The following MAP1B variants were observed in gnomAD, a reference collection of about 807,000 sequenced individuals.
MAP1B encodes microtubule-associated protein 1B.
Under a neutral mutation model 176.1 loss-of-function variants are expected in MAP1B, and 12 were observed. The observed-to-expected ratio is 0.07, with a 90% CI of 0.04 to 0.11. The LOEUF (loss-of-function observed/expected upper bound fraction) is 0.11, where lower values mean the gene tolerates loss of function less well. MAP1B is among the 10% of genes least tolerant of loss of function. The pLI, the probability that MAP1B is intolerant of heterozygous loss-of-function variation, is 1.00. For synonymous variants in MAP1B, 1,044 were observed against 1,135.0 expected (o/e 0.92, Z 1.61); for missense variants, 2,523 against 2,990.5 (o/e 0.84, Z 3.65).
chr5:72,168,726 T>A (rs780932126), intron 2 of MAP1B, among the ~76,000 whole-genome samples: 1 of 152,232 alleles, frequency 6.6e-6, no homozygotes. Context: ...GGACAGAATT[T>A]ATTTGACTAC....
At chr5:72,120,573 C>T (rs984968058) in intron 2 of MAP1B, among the ~76,000 whole-genome samples, 5 of 151,848 alleles carry the variant, frequency 3.3e-5, no homozygotes, top group South Asian at 2.1e-4. Context: ...TACAGGCGCC[C>T]ACCACCATGC....
At chr5:72,142,222 A>T (rs11748990) in intron 2 of MAP1B, among the ~76,000 whole-genome samples, 48,817 of 152,008 alleles carry the variant, frequency 0.32, 8,138 homozygotes, top group African/African-American at 0.43. Flanking sequence ...GAATTGGAGC[A>T]CATTCAAAGC....
At chr5:72,179,643 C>T in intron 2 of MAP1B, 2 of 985,478 alleles carry the variant, frequency 2.0e-6, no homozygotes, top group Non-Finnish European at 2.4e-6. Context: ...CTGGGGCGGC[C>T]CAGCCCCAGG....
intron 2 of MAP1B, among the ~76,000 whole-genome samples, chr5:72,133,973 T>C (rs528637206): frequency 6.6e-6 from 1 of 152,336 alleles, no homozygotes; most frequent in Non-Finnish European, 1.5e-5. Flanking sequence ...CCTTTCTTCT[T>C]TATGGATATT....
intron 2 of MAP1B, among the ~76,000 whole-genome samples, chr5:72,160,513 T>G (rs1331860254): frequency 6.6e-6 from 1 of 152,186 alleles, no homozygotes; most frequent in Non-Finnish European, 1.5e-5. Flanking sequence ...GGAGGGTTCA[T>G]GAATGTTCCT....
intron 2 of MAP1B, among the ~76,000 whole-genome samples, chr5:72,165,032 A>T (rs548581524): frequency 6.6e-6 from 1 of 152,054 alleles, no homozygotes; most frequent in African/African-American, 2.4e-5. Context: ...TTGCTATTTT[A>T]ATACCATGAG....
In MAP1B at chr5:72,194,978, C is replaced by T. The variant is rs1052606915; in HGVS notation, c.1623C>T (p.Ser541=). ...KQTKLKQRAD[S]RESLKPAAKP... ...CAAAACTGAAACAGAGGGCTGATAG[C>T]CGAGAAAGTCTGAAGCCAGCCGCAA... The change falls in exon 5 of 7, where the codon AGC becomes AGT. Residue 541 remains serine, a synonymous_variant. Coordinates refer to ENST00000296755, the MANE Select transcript of MAP1B (RefSeq NM_005909.5). The surrounding 1 kb of genome is among the most constrained non-coding windows in gnomAD (Gnocchi z 7.2). 1.2e-5 allele frequency: 19 copies of T among 1,613,866 alleles called. No homozygotes were observed. In the African/African-American group the frequency reaches 2.5e-4, roughly 22 times the overall value.
At chr5:72,182,713 C>A (rs1440131659) in intron 2 of MAP1B, among the ~76,000 whole-genome samples, 2 of 152,202 alleles carry the variant, frequency 1.3e-5, no homozygotes, top group Non-Finnish European at 2.9e-5. Context: ...CTGCCTCTCT[C>A]AGATTCTTTT....
Position 72,199,539 on chromosome 5 carries a change from T to G in MAP1B, c.6184T>G (p.Ser2062Ala). ...PQASTYSYETSDLCYTAEKKS... is the reference protein window; with the variant it reads ...PQASTYSYETADLCYTAEKKS... ...GGCATCCACATATTCCTACGAGACT[T>G]CAGACCTATGCTACACTGCAGAAAA... Residue 2062 changes from serine to alanine, a missense_variant, in exon 5 of 7, where the codon TCA (serine) becomes GCA (alanine). Ser to Ala is a moderately conservative substitution (Grantham distance 99). Around this residue, in one of 4 missense-constraint regions of MAP1B, gnomAD observed 1,925 missense variants for 2,126.0 expected, o/e 0.91. Coordinates refer to ENST00000296755, the MANE Select transcript of MAP1B (RefSeq NM_005909.5). This position sits in a 1 kb window ranked among gnomAD's most constrained non-coding sequence, Gnocchi z 4.2. The G allele has an allele frequency of 6.2e-7, 1 of 1,614,130 alleles. No individual in the cohort carries two copies. The highest frequency in any genetic ancestry group is 8.5e-7 in the Non-Finnish European group (1 of 1,180,012).
chr5:72,193,459 A>G, intron 4 of MAP1B: 1 of 317,038 alleles, frequency 3.2e-6, no homozygotes, highest in South Asian at 2.9e-5. Flanking sequence ...TTTAAAGGGC[A>G]TCTTTGCCTT....
Position 72,195,779 on chromosome 5 carries a change from C to A in MAP1B, c.2424C>A (p.Val808=), listed in dbSNP as rs770515226. Residue 808 remains valine, a synonymous_variant, in exon 5 of 7, where the codon GTC becomes GTA. Transcript: ENST00000296755. ...AVGTGATTAA[V]MAAAGIAAIG... ...GCACTGGAGCCACCACAGCAGCTGT[C>A]ATGGCGGCAGCTGGAATAGCAGCCA... 1.4e-5 allele frequency: 22 copies of A among 1,614,048 alleles called. No homozygotes were observed. The South Asian group carries it at 2.4e-4, about 18-fold the overall frequency.
At chr5:72,172,735 A>G (rs779103234) in intron 2 of MAP1B, among the ~76,000 whole-genome samples, 1 of 152,224 alleles carries the variant, frequency 6.6e-6, no homozygotes, top group Non-Finnish European at 1.5e-5. Flanking sequence ...AGGTATTAGG[A>G]TAGGAATACA....
intron 1 of MAP1B, among the ~76,000 whole-genome samples, chr5:72,110,625 A>AATTC (rs1359652184): frequency 6.6e-6 from 1 of 152,130 alleles, no homozygotes; most frequent in Non-Finnish European, 1.5e-5. Context: ...TTGTTGTGTG[A>AATTC]AGCAAGATGG....
chr5:72,113,960 ATAC>A (rs1458027312), intron 1 of MAP1B, among the ~76,000 whole-genome samples: 5 of 152,252 alleles, frequency 3.3e-5, no homozygotes, highest in African/African-American at 1.2e-4. Flanking sequence ...TAAAATTCAA[ATAC>A]TCCATTAGCA....
intron 5 of MAP1B, among the ~76,000 whole-genome samples, chr5:72,203,121 A>T (rs1747366607): frequency 6.6e-6 from 1 of 152,248 alleles, no homozygotes; most frequent in Admixed American, 6.5e-5. Flanking sequence ...ACCCTAAAAT[A>T]GAGCACTAAG....
In MAP1B at chr5:72,198,135, G is replaced by T; in HGVS notation, c.4780G>T (p.Val1594Phe). 1 of 1,614,162 alleles carries T rather than the reference G, an allele frequency of 6.2e-7. No individual in the cohort carries two copies. The highest frequency in any genetic ancestry group is 8.5e-7 in the Non-Finnish European group (1 of 1,180,028). The change falls in exon 5 of 7, where the codon GTT becomes TTT. Residue 1594 changes from valine (V) to phenylalanine (F), a missense_variant. By Grantham distance (50) the Val-to-Phe change is conservative. Transcript: ENST00000296755. ...AGTAGATGACTCCCTTTCAGTGTCT[G>T]TTGTGCAAACACCTACCACATTCCA... ...TEVDDSLSVS[V>F]VQTPTTFQET...
In MAP1B at chr5:72,204,698, T is replaced by C. The variant is rs1323876224; in HGVS notation, c.7252-386T>C. On this transcript the variant is annotated intron_variant, in intron 6 of 6. Transcript: ENST00000296755. The surrounding 1 kb of genome is among the most constrained non-coding windows in gnomAD (Gnocchi z 4.4). ...TTAGTTACTCACAATGAGTGGGCTT[T>C]TGAGGGCTTTGAAGTGCGCGATAAA... Among the ~76,000 whole-genome samples, 1 of 152,202 alleles carries C rather than the reference T, an allele frequency of 6.6e-6. No individual in the cohort carries two copies. The highest frequency in any genetic ancestry group is 1.5e-5 in the Non-Finnish European group (1 of 68,034).
At chr5:72,179,558 G>T (rs933230587) in intron 2 of MAP1B, 1 of 945,192 alleles carries the variant, frequency 1.1e-6, no homozygotes, top group African/African-American at 1.8e-5. Context: ...CCCGCCTGCC[G>T]CAGGAAAGCT....
intron 2 of MAP1B, among the ~76,000 whole-genome samples, chr5:72,144,894 C>G (rs1340996830): frequency 6.6e-6 from 1 of 152,182 alleles, no homozygotes; most frequent in African/African-American, 2.4e-5. Context: ...TGCACTCCTT[C>G]TTATAACTGA....
Sources: gnomAD v4.1 joint callset for allele counts (sites outside exome capture counted in the v4.1 genomes callset) on GRCh38, gnomAD v4.1.1 for gene constraint, gnomAD v4.1.1 regional missense constraint, Gnocchi (gnomAD v3.1) non-coding constraint, MANE v1.5 for transcripts, NCBI Gene and HGNC (gene_info 2026-07-23, HGNC 2026-07-21) for gene names.